The following EMCN variants were observed in gnomAD, a reference collection of about 807,000 sequenced individuals.
The protein encoded by EMCN is endomucin.
A neutral mutation model predicts 38.4 loss-of-function variants in EMCN; 37 were observed. That is an observed-to-expected ratio of 0.96 (90% CI 0.74 to 1.27). The LOEUF (loss-of-function observed/expected upper bound fraction) is 1.27. Among genes scored for constraint, EMCN ranks in the 50% most tolerant of loss-of-function variants. EMCN has a pLI of 0.00. For synonymous variants in EMCN, 95 were observed against 100.8 expected, an observed-to-expected ratio of 0.94 and a Z score of 0.35; for missense variants, 318 against 302.8, an observed-to-expected ratio of 1.05 and a Z score of -0.37.
At chr4:100,429,026 G>C (rs529091336) in intron 5 of EMCN, among the ~76,000 whole-genome samples, 62 of 152,178 alleles carry the variant, frequency 4.1e-4, no homozygotes, top group African/African-American at 1.5e-3. Context: ...AGAACTTGAG[G>C]AGCTTAAGCA....
intron 3 of EMCN, among the ~76,000 whole-genome samples, chr4:100,474,607 C>T (rs1728582367): frequency 6.6e-6 from 1 of 152,112 alleles, no homozygotes; most frequent in Non-Finnish European, 1.5e-5. Context: ...AGATGTTCAT[C>T]AATTAATAAA....
At chr4:100,514,765 C>G (rs1028831514) in intron 1 of EMCN, among the ~76,000 whole-genome samples, 4 of 152,062 alleles carry the variant, frequency 2.6e-5, no homozygotes, top group African/African-American at 4.8e-5. Context: ...TCTTGATTTT[C>G]AAGCTTCAAA....
chr4:100,516,492 C>G (rs1729760080), intron 1 of EMCN, among the ~76,000 whole-genome samples: 1 of 151,970 alleles, frequency 6.6e-6, no homozygotes. Context: ...ATCAATCTTC[C>G]CCAAGCAGAC....
intron 4 of EMCN, among the ~76,000 whole-genome samples, chr4:100,464,367 C>A (rs1187233595): frequency 6.6e-6 from 1 of 152,110 alleles, no homozygotes; most frequent in East Asian, 1.9e-4. Flanking sequence ...CCTTTTCAAT[C>A]TAAATGTATC....
At chr4:100,474,313 G>A (rs1286538121) in intron 3 of EMCN, among the ~76,000 whole-genome samples, 1 of 152,124 alleles carries the variant, frequency 6.6e-6, no homozygotes, top group Non-Finnish European at 1.5e-5. Context: ...GTCACAATGA[G>A]ATACCAGTTC....
chr4:100,472,726 C>A (rs1278076765), intron 3 of EMCN, among the ~76,000 whole-genome samples: 1 of 151,850 alleles, frequency 6.6e-6, no homozygotes, highest in African/African-American at 2.4e-5. Context: ...GTTTTCAAAA[C>A]TTAATACGAA....
At chr4:100,468,694 G>C (rs1300351138) in intron 3 of EMCN, among the ~76,000 whole-genome samples, 2 of 151,998 alleles carry the variant, frequency 1.3e-5, no homozygotes, top group Non-Finnish European at 2.9e-5. Flanking sequence ...TCAAGGAAAT[G>C]AAAGAGCTGC....
chr4:100,399,102 G>A (rs1726186968), intron 11 of EMCN, among the ~76,000 whole-genome samples: 1 of 152,184 alleles, frequency 6.6e-6, no homozygotes, highest in South Asian at 2.1e-4. Context: ...AAGAAAGAAT[G>A]AATGAATACC....
intron 11 of EMCN, among the ~76,000 whole-genome samples, chr4:100,403,781 C>A (rs1003159448): frequency 6.6e-6 from 1 of 151,908 alleles, no homozygotes; most frequent in Non-Finnish European, 1.5e-5. Flanking sequence ...TGATATGAGA[C>A]AGCATCTCAT....
intron 5 of EMCN, among the ~76,000 whole-genome samples, chr4:100,442,255 C>G (rs1040325413): frequency 2.6e-5 from 4 of 152,194 alleles, no homozygotes; most frequent in Non-Finnish European, 4.4e-5. Context: ...GAGAAATCCA[C>G]TGATAACCTA....
chr4:100,485,998 T>G (rs770260828), intron 1 of EMCN, among the ~76,000 whole-genome samples: 2 of 152,192 alleles, frequency 1.3e-5, no homozygotes, highest in Non-Finnish European at 2.9e-5. Context: ...TTAAGCACAA[T>G]TTTAAAATGT....
At chr4:100,464,115 C>A (rs943131776) in intron 4 of EMCN, among the ~76,000 whole-genome samples, 5 of 151,762 alleles carry the variant, frequency 3.3e-5, no homozygotes, top group African/African-American at 1.2e-4. Flanking sequence ...ATAAATCTTG[C>A]ACTTCTATTG....
chr4:100,422,775 CTG>C (rs1490064144), intron 7 of EMCN, among the ~76,000 whole-genome samples: 12 of 151,338 alleles, frequency 7.9e-5, no homozygotes, highest in Admixed American at 5.9e-4. Context: ...AATTGCCAAA[CTG>C]TGCTTTTTTT....
At chr4:100,460,221 C>CT (rs767254457) in intron 4 of EMCN, among the ~76,000 whole-genome samples, 2 of 151,972 alleles carry the variant, frequency 1.3e-5, no homozygotes, top group Non-Finnish European at 2.9e-5. Context: ...ATTTGTATGT[C>CT]TTTTTTTGTG....
At chr4:100,512,453 T>A (rs1318023268) in intron 1 of EMCN, among the ~76,000 whole-genome samples, 1 of 152,110 alleles carries the variant, frequency 6.6e-6, no homozygotes, top group African/African-American at 2.4e-5. Flanking sequence ...AGACCTATAA[T>A]GGATAGGAAT....
chr4:100,475,109 C>G lies in EMCN; in HGVS notation c.188G>C (p.Gly63Ala). 1 of 1,456,416 alleles carries G rather than the reference C, an allele frequency of 6.9e-7. No individual in the cohort carries two copies. Among genetic ancestry groups the G allele is most frequent in the Non-Finnish European group, 9.3e-7 (1 of 1,069,778 alleles). 90.2% of individuals were successfully genotyped at this position (1,456,416 alleles called of 1,614,324 possible). A position where few individuals can be genotyped will look rare whatever the true frequency, so the allele number is the denominator to read the frequency against. Reference protein sequence around the residue: ...VTPTTGTTPKGTITNELLKMS... With the variant: ...VTPTTGTTPKATITNELLKMS... ...TTTAAGTAATTCATTGGTGATTGTT[C>G]CTAGTTTGATAAAATAGATTAAATT... Residue 63 changes from glycine to alanine, a missense_variant and splice_region_variant, in exon 3 of 12, where the codon GGA becomes GCA. Coordinates refer to ENST00000296420, the MANE Select transcript of EMCN (RefSeq NM_016242.4).
intron 5 of EMCN, among the ~76,000 whole-genome samples, chr4:100,435,520 A>G (rs1359798341): frequency 6.6e-6 from 1 of 152,202 alleles, no homozygotes; most frequent in African/African-American, 2.4e-5. Context: ...AATTAGGAAA[A>G]AAACTATTTT....
At chr4:100,504,575 G>A (rs1452897063) in intron 1 of EMCN, among the ~76,000 whole-genome samples, 2 of 126,154 alleles carry the variant, frequency 1.6e-5, no homozygotes, top group East Asian at 4.1e-4. Flanking sequence ...AGGCCATACA[G>A]AGATAGGAGC....
chr4:100,477,189 C>T (rs1306376493), intron 2 of EMCN, among the ~76,000 whole-genome samples: 1 of 152,132 alleles, frequency 6.6e-6, no homozygotes. Flanking sequence ...TATAATTCAA[C>T]TCTAGTATTG....
Sources: gnomAD v4.1 joint callset for allele counts (sites outside exome capture counted in the v4.1 genomes callset) on GRCh38, gnomAD v4.1.1 for gene constraint, MANE v1.5 for transcripts, NCBI Gene and HGNC (gene_info 2026-07-23, HGNC 2026-07-21) for gene names.